The following TASOR variants were observed in gnomAD, a reference collection of about 807,000 sequenced individuals.
The protein encoded by TASOR is protein TASOR.
Under a neutral mutation model 178.6 loss-of-function variants are expected in TASOR, and 53 were observed. That is an observed-to-expected ratio of 0.30 (90% CI 0.24 to 0.37). The LOEUF (loss-of-function observed/expected upper bound fraction) is 0.37. Ranked by LOEUF, TASOR falls within the 10% of genes least tolerant of loss-of-function variation. The pLI is 1.00. For missense variants in TASOR, 1,815 were observed against 1,971.4 expected (o/e 0.92, Z 1.50); for synonymous variants, 713 against 696.2 (o/e 1.02, Z -0.38).
chr3:56,639,678 C>T (rs1311517428), intron 16 of TASOR, among the ~76,000 whole-genome samples: 1 of 152,178 alleles, frequency 6.6e-6, no homozygotes, highest in African/African-American at 2.4e-5. Flanking sequence ...GCTACCTCAC[C>T]TTATCAAAAA....
In TASOR at chr3:56,622,231, A is replaced by G. The variant is rs1257864011; in HGVS notation, c.*806T>C. 1 of 152,204 alleles carries G rather than the reference A, an allele frequency of 6.6e-6. No homozygotes were observed. The highest frequency in any genetic ancestry group is 2.4e-5 in the African/African-American group (1 of 41,448). The allele number at this position is 152,204 out of a possible 1,614,324, so 9.4% of individuals were successfully genotyped here. On this transcript the variant is annotated 3_prime_UTR_variant, in exon 24 of 24. Coordinates refer to ENST00000683822, the MANE Select transcript of TASOR (RefSeq NM_001365635.2). ...AGGAATAGATACGGGTTTGAAAGCTATCTCCACTGTATCTGTCTAGTATAG... is the reference window on the plus strand; with the variant it reads ...AGGAATAGATACGGGTTTGAAAGCTGTCTCCACTGTATCTGTCTAGTATAG...
Position 56,682,693 on chromosome 3 carries a change from T to C in TASOR, c.314A>G (p.Lys105Arg), listed in dbSNP as rs1255056365. The change falls in exon 1 of 24, where the codon AAG (lysine) becomes AGG (arginine). Residue 105 changes from lysine (K) to arginine (R), a missense_variant. Lys to Arg is a conservative substitution (Grantham distance 26). Around this residue, in one of 5 missense-constraint regions of TASOR, gnomAD observed 244 missense variants for 202.7 expected, o/e 1.20. Transcript: ENST00000683822. Reference sequence around the variant, plus strand: ...GGCACCACCTTTCTTTTCTCTGCTCTTCCTGGGGATCTGAAAACTCCTCCT... The same window carrying C: ...GGCACCACCTTTCTTTTCTCTGCTCCTCCTGGGGATCTGAAAACTCCTCCT... ...PVRRSFQIPR[K>R]SREKKALFQP... 6.2e-5 allele frequency: 92 copies of C among 1,477,666 alleles called. No homozygotes were observed. Among genetic ancestry groups the C allele is most frequent in the Non-Finnish European group, 8.2e-5 (91 of 1,111,708 alleles). The allele number at this position is 1,477,666 out of a possible 1,614,324, so 91.5% of individuals were successfully genotyped here.
At chr3:56,658,673 G>A (rs888711355) in intron 11 of TASOR, among the ~76,000 whole-genome samples, 5 of 152,186 alleles carry the variant, frequency 3.3e-5, no homozygotes, top group Admixed American at 6.5e-5. Context: ...TTGGGAGGCC[G>A]AGGCGGGTGG....
intron 8 of TASOR, among the ~76,000 whole-genome samples, chr3:56,663,140 G>A (rs1000505434): frequency 3.3e-5 from 5 of 151,888 alleles, no homozygotes; most frequent in Admixed American, 2.6e-4. Flanking sequence ...CCGAGATCAC[G>A]CCACTGCACC....
rs1169443123 is a variant in TASOR at position 56,622,253 on chromosome 3, A to G, written c.*784T>C. ...GCTATCTCCACTGTATCTGTCTAGTATAGCATTAATGTGTTCAACAAATGG... is the reference window on the plus strand; with the variant it reads ...GCTATCTCCACTGTATCTGTCTAGTGTAGCATTAATGTGTTCAACAAATGG... On this transcript the variant is annotated 3_prime_UTR_variant, in exon 24 of 24. Coordinates refer to ENST00000683822, the MANE Select transcript of TASOR (RefSeq NM_001365635.2). 6.6e-6 allele frequency: 1 copy of G among 152,224 alleles called. No homozygotes were observed. Among genetic ancestry groups the G allele is most frequent in the Non-Finnish European group, 1.5e-5 (1 of 68,018 alleles). The allele number at this position is 152,224 out of a possible 1,614,324, so 9.4% of individuals were successfully genotyped here.
At chr3:56,643,573 T>C (rs1289718357) in intron 14 of TASOR, among the ~76,000 whole-genome samples, 1 of 151,892 alleles carries the variant, frequency 6.6e-6, no homozygotes, top group African/African-American at 2.4e-5. Flanking sequence ...CCATCCTGGC[T>C]AACACGGTGA....
chr3:56,625,167 A>G (rs910527045), intron 21 of TASOR, among the ~76,000 whole-genome samples, 161 bp from the exon 22 acceptor site: 12 of 152,168 alleles, frequency 7.9e-5, no homozygotes, highest in African/African-American at 2.9e-4. Flanking sequence ...CTTTGGAAAG[A>G]AAGAAAGAAG....
At chr3:56,679,948 T>G (rs1180275100) in intron 1 of TASOR, among the ~76,000 whole-genome samples, 1 of 152,156 alleles carries the variant, frequency 6.6e-6, no homozygotes, top group Non-Finnish European at 1.5e-5. Flanking sequence ...ACTTAGTATG[T>G]CAGTACCAAC....
At chr3:56,677,140 G>A (rs1178829166) in intron 1 of TASOR, among the ~76,000 whole-genome samples, 2 of 152,134 alleles carry the variant, frequency 1.3e-5, no homozygotes, top group Non-Finnish European at 2.9e-5. Context: ...TCTATTTTAT[G>A]TCCTCAGAGG....
intron 3 of TASOR, 149 bp from the exon 4 acceptor site, chr3:56,670,294 A>G (rs2030543293): frequency 2.0e-6 from 1 of 492,608 alleles, no homozygotes; most frequent in Non-Finnish European, 3.6e-6. Flanking sequence ...TTGCCACTTT[A>G]TAAATATTAA....
chr3:56,654,925 A>G (rs151319080), intron 11 of TASOR, among the ~76,000 whole-genome samples: 1 of 152,138 alleles, frequency 6.6e-6, no homozygotes, highest in African/African-American at 2.4e-5. Flanking sequence ...TGCAGATATG[A>G]TCTTGGGACA....
chr3:56,675,227 T>C (rs1228764949), intron 1 of TASOR, among the ~76,000 whole-genome samples: 2 of 151,428 alleles, frequency 1.3e-5, no homozygotes, highest in Non-Finnish European at 2.9e-5. Flanking sequence ...CAGGCTGAAG[T>C]GCAGTGGCAC....
chr3:56,624,441 G>T (rs780315978), intron 23 of TASOR, 38 bp downstream of exon 23: 8 of 1,593,270 alleles, frequency 5.0e-6, no homozygotes, highest in Non-Finnish European at 6.8e-6. Context: ...CTCTTTTTCT[G>T]TCTGCGTTAA....
intron 14 of TASOR, among the ~76,000 whole-genome samples, chr3:56,643,754 C>CAAA (rs766546690): frequency 6.7e-5 from 6 of 89,070 alleles, no homozygotes; most frequent in East Asian, 2.6e-4. Context: ...GACTCCGTCT[C>CAAA]AAAAAAAAAA....
intron 1 of TASOR, among the ~76,000 whole-genome samples, chr3:56,674,497 A>C (rs13088166): frequency 0.032 from 4,847 of 152,202 alleles, 104 homozygotes; most frequent in Middle Eastern, 0.078. Context: ...AGTGAGAGAG[A>C]GACCCTGTCT....
At chr3:56,658,517 C>G (rs1172635010) in intron 11 of TASOR, among the ~76,000 whole-genome samples, 2 of 152,142 alleles carry the variant, frequency 1.3e-5, no homozygotes, top group Admixed American at 1.3e-4. Flanking sequence ...AACTTGGGAA[C>G]TGAATAGATT....
In TASOR at chr3:56,661,072, A is replaced by G. The variant is rs1023619471; in HGVS notation, c.1161-55T>C. 9 of 1,107,328 alleles carry G rather than the reference A, an allele frequency of 8.1e-6. No individual in the cohort carries two copies. In the Admixed American group the frequency reaches 1.7e-4, roughly 21 times the overall value. The allele number at this position is 1,107,328 out of a possible 1,614,324, so 68.6% of individuals were successfully genotyped here. On this transcript the variant is annotated intron_variant, in intron 9 of 23. Transcript: ENST00000683822. ...CTTATCTGTATTTTCAACTCTAGCAATCTTAACACATACACAAAAAAGTAC... is the reference window on the plus strand; with the variant it reads ...CTTATCTGTATTTTCAACTCTAGCAGTCTTAACACATACACAAAAAAGTAC...
intron 14 of TASOR, among the ~76,000 whole-genome samples, chr3:56,643,566 T>C (rs1489136172): frequency 1.3e-5 from 2 of 151,842 alleles, no homozygotes; most frequent in African/African-American, 4.8e-5. Flanking sequence ...ATCGAGACCA[T>C]CCTGGCTAAC....
At position 56,624,570 on chromosome 3, in the gene TASOR, T is replaced by A. The variant is rs762660721; in HGVS notation, c.4392A>T (p.Gln1464His). The change falls in exon 23 of 24, where the codon CAA becomes CAT. Residue 1464 changes from glutamine (Q) to histidine (H), a missense_variant. Physicochemically the swap from Gln to His is conservative, Grantham distance 24. This residue lies in a region of TASOR where 278 missense variants were observed against 257.1 expected (regional missense o/e 1.08). Transcript: ENST00000683822. ...GATAGCCCACAAGATTTTTAAAGTTTTGCATGAAGTCTTCAGCAGTTGCAA... is the reference window on the plus strand; with the variant it reads ...GATAGCCCACAAGATTTTTAAAGTTATGCATGAAGTCTTCAGCAGTTGCAA... ...IVVATAEDFM[Q>H]NFKNLVGYHN... 11 of 1,614,030 alleles carry A rather than the reference T, an allele frequency of 6.8e-6. No individual in the cohort carries two copies. Among genetic ancestry groups the A allele is most frequent in the Non-Finnish European group, 7.6e-6 (9 of 1,180,010 alleles).
Sources: gnomAD v4.1 joint callset for allele counts (sites outside exome capture counted in the v4.1 genomes callset) on GRCh38, gnomAD v4.1.1 for gene constraint, gnomAD v4.1.1 regional missense constraint, MANE v1.5 for transcripts, NCBI Gene and HGNC (gene_info 2026-07-23, HGNC 2026-07-21) for gene names.